The following TBC1D1 variants were observed in gnomAD, a reference collection of about 807,000 sequenced individuals.
The protein encoded by TBC1D1 is TBC1 (tre-2/USP6, BUB2, cdc16) domain family, member 1.
Under a neutral mutation model 125.6 loss-of-function variants are expected in TBC1D1, and 89 were observed. The observed-to-expected ratio is 0.71, with a 90% CI of 0.60 to 0.85. The LOEUF is 0.85. Ranked by LOEUF, TBC1D1 falls within the 40% of genes least tolerant of loss-of-function variation. The pLI is 0.00. For synonymous variants in TBC1D1, 565 were observed against 564.1 expected (o/e 1.00, Z -0.02); for missense variants, 1,377 against 1,469.2 (o/e 0.94, Z 1.03).
intron 2 of TBC1D1, among the ~76,000 whole-genome samples, chr4:37,931,061 T>C (rs1387057603): frequency 6.6e-6 from 1 of 151,962 alleles, no homozygotes; most frequent in African/African-American, 2.4e-5. Context: ...TTTACCACGA[T>C]AGATACTTAT....
chr4:38,096,060 A>T lies in TBC1D1; in HGVS notation c.2368A>T (p.Met790Leu). 6.2e-7 allele frequency: 1 copy of T among 1,613,770 alleles called. No homozygotes were observed. ...AGGAAGATCAAAAATTAAGTTTGAC[A>T]TGGAAAAAATGCACTCGGCTGTTGG... The change falls in exon 14 of 20, where the codon ATG becomes TTG. Residue 790 changes from methionine (M) to leucine (L), a missense_variant. By Grantham distance (15) the Met-to-Leu change is conservative (BLOSUM62 2). Coordinates refer to ENST00000261439, the MANE Select transcript of TBC1D1 (RefSeq NM_015173.4).
intron 2 of TBC1D1, among the ~76,000 whole-genome samples, chr4:37,955,365 T>C (rs1728729241): frequency 6.6e-6 from 1 of 152,184 alleles, no homozygotes; most frequent in African/African-American, 2.4e-5. Flanking sequence ...GCATTGGTTT[T>C]ACCACCCCTG....
At chr4:38,066,114 T>C (rs1560724621) in intron 12 of TBC1D1, among the ~76,000 whole-genome samples, 1 of 152,226 alleles carries the variant, frequency 6.6e-6, no homozygotes, top group Non-Finnish European at 1.5e-5. Context: ...GAGTAAATTA[T>C]CAAGAGTTTT....
In TBC1D1 at chr4:38,035,697, A is replaced by C; in HGVS notation, c.1412A>C (p.Gln471Pro). The C allele has an allele frequency of 6.2e-7, 1 of 1,605,624 alleles. No individual in the cohort carries two copies. Among genetic ancestry groups the C allele is most frequent in the Non-Finnish European group, 8.5e-7 (1 of 1,173,724 alleles). ...CACATCCATATTGGGGAGATGAAGC[A>C]GGTATGGCATTTTTGTCTCTTGTAA... Residue 471 changes from glutamine (Q) to proline (P), a missense_variant and splice_region_variant, in exon 8 of 20, where the codon CAG becomes CCG. Gln to Pro is a moderately conservative substitution (Grantham distance 76). Coordinates refer to ENST00000261439, the MANE Select transcript of TBC1D1 (RefSeq NM_015173.4).
chr4:38,010,932 T>C (rs1741351284), intron 2 of TBC1D1, among the ~76,000 whole-genome samples: 1 of 152,178 alleles, frequency 6.6e-6, no homozygotes, highest in African/African-American at 2.4e-5. Context: ...GAAAAATGTA[T>C]AGAAATAAAA....
At chr4:38,052,715 C>A (rs994759679) in intron 11 of TBC1D1, among the ~76,000 whole-genome samples, 2 of 51,396 alleles carry the variant, frequency 3.9e-5, no homozygotes, top group Non-Finnish European at 7.2e-5. Flanking sequence ...CACACACACG[C>A]GCGCGCGCGC....
At chr4:38,028,201 T>C (rs903527532) in intron 7 of TBC1D1, among the ~76,000 whole-genome samples, 10 of 152,200 alleles carry the variant, frequency 6.6e-5, no homozygotes, top group Non-Finnish European at 1.2e-4. Flanking sequence ...AGTCTTGCTC[T>C]GTTTCCCAGG....
chr4:37,934,179 A>C (rs184736431), intron 2 of TBC1D1, among the ~76,000 whole-genome samples: 8 of 152,262 alleles, frequency 5.3e-5, no homozygotes, highest in Non-Finnish European at 1.2e-4. Context: ...AATGTGGAGG[A>C]AAAAGGAGTC....
intron 3 of TBC1D1, among the ~76,000 whole-genome samples, chr4:38,016,424 G>A (rs903034993): frequency 6.6e-6 from 1 of 152,184 alleles, no homozygotes; most frequent in African/African-American, 2.4e-5. Context: ...AGTTGTCACG[G>A]TCTTACCTCC....
chr4:37,963,528 C>A (rs1376952637), intron 2 of TBC1D1, among the ~76,000 whole-genome samples: 2 of 152,184 alleles, frequency 1.3e-5, no homozygotes, highest in Non-Finnish European at 2.9e-5. Context: ...TGGCACATGC[C>A]TGTAACCCCA....
intron 2 of TBC1D1, among the ~76,000 whole-genome samples, chr4:37,916,721 G>A (rs998443481): frequency 6.6e-6 from 1 of 152,102 alleles, no homozygotes; most frequent in East Asian, 1.9e-4. Flanking sequence ...TTTTAACAAC[G>A]GGAGGGCTGA....
chr4:37,942,658 C>G (rs1176291874), intron 2 of TBC1D1, among the ~76,000 whole-genome samples: 2 of 152,064 alleles, frequency 1.3e-5, no homozygotes, highest in African/African-American at 2.4e-5. Flanking sequence ...CCTGCCTCAG[C>G]CTCCCAAGTA....
At chr4:38,070,049 G>T (rs538362643) in intron 12 of TBC1D1, among the ~76,000 whole-genome samples, 1 of 152,262 alleles carries the variant, frequency 6.6e-6, no homozygotes, top group African/African-American at 2.4e-5. Flanking sequence ...GGAGGGCATA[G>T]CCTCCAGCCA....
chr4:37,927,530 G>A (rs1722376964), intron 2 of TBC1D1, among the ~76,000 whole-genome samples: 1 of 152,034 alleles, frequency 6.6e-6, no homozygotes, highest in Admixed American at 6.5e-5. Context: ...AGGCAGCTTG[G>A]GTTTTTGCTT....
intron 2 of TBC1D1, among the ~76,000 whole-genome samples, chr4:37,997,576 T>C (rs936981081): frequency 4.6e-5 from 7 of 152,176 alleles, no homozygotes; most frequent in African/African-American, 1.7e-4. Context: ...TTTAAAAAAA[T>C]TAAAAATAAC....
At chr4:38,092,399 G>C (rs542798660) in intron 13 of TBC1D1, among the ~76,000 whole-genome samples, 1 of 152,194 alleles carries the variant, frequency 6.6e-6, no homozygotes, top group Non-Finnish European at 1.5e-5. Context: ...TGATGTAAAC[G>C]TGAGATATGC....
intron 7 of TBC1D1, among the ~76,000 whole-genome samples, chr4:38,028,088 C>A (rs1331484751): frequency 6.6e-6 from 1 of 150,740 alleles, no homozygotes; most frequent in African/African-American, 2.5e-5. Context: ...ATAAAAGACA[C>A]GATAGCTGAT....
intron 2 of TBC1D1, among the ~76,000 whole-genome samples, chr4:37,955,220 T>C (rs1387953454): frequency 6.6e-6 from 1 of 152,212 alleles, no homozygotes; most frequent in East Asian, 1.9e-4. Flanking sequence ...CACCCCTTCA[T>C]TTTACTTCTG....
chr4:38,083,730 T>C (rs1000919522), intron 12 of TBC1D1, among the ~76,000 whole-genome samples: 3 of 152,208 alleles, frequency 2.0e-5, no homozygotes, highest in Non-Finnish European at 4.4e-5. Flanking sequence ...CCCAGATACC[T>C]GGCTCCAGGG....
Sources: gnomAD v4.1 joint callset for allele counts (sites outside exome capture counted in the v4.1 genomes callset) on GRCh38, gnomAD v4.1.1 for gene constraint, MANE v1.5 for transcripts, NCBI Gene and HGNC (gene_info 2026-07-23, HGNC 2026-07-21) for gene names.